FAM193A: variants seen among roughly 807,000 people sequenced by gnomAD.
FAM193A encodes the protein protein FAM193A.
Under a neutral mutation model 126.5 loss-of-function variants are expected in FAM193A, and 22 were observed. That is an observed-to-expected ratio of 0.17 (90% CI 0.12 to 0.25). FAM193A has a LOEUF of 0.25. Ranked by LOEUF, FAM193A falls within the 10% of genes least tolerant of loss-of-function variation. The pLI is 1.00. For synonymous variants in FAM193A, 761 were observed against 646.8 expected (o/e 1.18, Z -2.68); for missense variants, 1,675 against 1,672.8 (o/e 1.00, Z -0.02).
chr4:2,713,335 G>A (rs1426119779), intron 19 of FAM193A, among the ~76,000 whole-genome samples: 1 of 152,070 alleles, frequency 6.6e-6, no homozygotes, highest in African/African-American at 2.4e-5. Context: ...GAACCCAGGA[G>A]GTGGAGGTTG....
chr4:2,693,927 T>A, intron 16 of FAM193A, 53 bp downstream of exon 16: 1 of 1,549,114 alleles, frequency 6.5e-7, no homozygotes, highest in South Asian at 1.2e-5. Flanking sequence ...ATGGGTGTTA[T>A]GCCTCACTAA....
At chr4:2,673,868 C>T (rs188940328) in intron 13 of FAM193A, among the ~76,000 whole-genome samples, 3 of 152,212 alleles carry the variant, frequency 2.0e-5, no homozygotes, top group Non-Finnish European at 2.9e-5. Flanking sequence ...ATTATTTTCC[C>T]GGGCTTTTGG....
chr4:2,607,065 C>T (rs1741590279), intron 2 of FAM193A, among the ~76,000 whole-genome samples: 1 of 152,238 alleles, frequency 6.6e-6, no homozygotes, highest in Non-Finnish European at 1.5e-5. Flanking sequence ...GGCCATTCAT[C>T]TCACAATGCA....
intron 1 of FAM193A, among the ~76,000 whole-genome samples, chr4:2,587,376 A>G (rs1740292086): frequency 6.6e-6 from 1 of 152,214 alleles, no homozygotes; most frequent in African/African-American, 2.4e-5. Context: ...ACCTGCCCTC[A>G]TGACCCATGC....
At chr4:2,690,074 AG>A (rs1716191894) in intron 14 of FAM193A, among the ~76,000 whole-genome samples, 1 of 152,214 alleles carries the variant, frequency 6.6e-6, no homozygotes. Flanking sequence ...AGGGGCAGGA[AG>A]AAAGTGCCAC....
intron 20 of FAM193A, among the ~76,000 whole-genome samples, chr4:2,722,388 G>A (rs1720261276): frequency 6.6e-6 from 1 of 152,236 alleles, no homozygotes; most frequent in African/African-American, 2.4e-5. Context: ...ACCTGTGGAA[G>A]CTGTGCAGTG....
intron 1 of FAM193A, among the ~76,000 whole-genome samples, chr4:2,558,002 A>G (rs1049814450): frequency 2.0e-5 from 3 of 151,046 alleles, no homozygotes; most frequent in African/African-American, 4.9e-5. Flanking sequence ...GCTGGGCGCT[A>G]TGGCTCATGC....
intron 5 of FAM193A, 130 bp from the exon 6 acceptor site, chr4:2,639,605 C>T (rs1164899031): frequency 1.2e-5 from 7 of 598,474 alleles, no homozygotes; most frequent in Non-Finnish European, 1.6e-5. Flanking sequence ...GCTGAACACT[C>T]TGGGCCTGTG....
chr4:2,648,897 C>G (rs574134418), intron 7 of FAM193A, among the ~76,000 whole-genome samples: 12 of 152,296 alleles, frequency 7.9e-5, no homozygotes, highest in African/African-American at 2.9e-4. Flanking sequence ...GTCACCACTC[C>G]CTGGGATGTT....
chr4:2,612,253 G>A (rs1387427981), intron 2 of FAM193A, among the ~76,000 whole-genome samples: 1 of 151,914 alleles, frequency 6.6e-6, no homozygotes, highest in East Asian at 2.0e-4. Flanking sequence ...TGTAATCCTA[G>A]CACTTTGGGA....
intron 19 of FAM193A, among the ~76,000 whole-genome samples, chr4:2,703,015 A>T (rs1196596709): frequency 6.6e-6 from 1 of 151,366 alleles, no homozygotes; most frequent in Non-Finnish European, 1.5e-5. Context: ...GTAACTAATC[A>T]GTTTCTTATT....
intron 4 of FAM193A, 81 bp from the exon 5 acceptor site, chr4:2,630,851 AGGG>A: frequency 1.7e-5 from 13 of 744,514 alleles, no homozygotes; most frequent in Admixed American, 4.7e-5. Flanking sequence ...CACCTGTGGA[AGGG>A]CTTCAGAAAA....
At chr4:2,663,358 A>G in intron 12 of FAM193A, 70 bp downstream of exon 12, 1 of 1,216,888 alleles carries the variant, frequency 8.2e-7, no homozygotes, top group Non-Finnish European at 1.1e-6. Flanking sequence ...CATGAGCATT[A>G]CTGAATACAA....
intron 1 of FAM193A, among the ~76,000 whole-genome samples, chr4:2,573,492 G>T (rs1292555147): frequency 6.7e-6 from 1 of 148,704 alleles, no homozygotes; most frequent in Non-Finnish European, 1.5e-5. Flanking sequence ...CAGCCTCAGC[G>T]ACAGAGTGAA....
intron 13 of FAM193A, among the ~76,000 whole-genome samples, chr4:2,683,431 A>C (rs927205724): frequency 6.6e-5 from 10 of 152,076 alleles, no homozygotes; most frequent in African/African-American, 2.2e-4. Context: ...GGTAGCTGGG[A>C]TTACAGGCTC....
intron 1 of FAM193A, among the ~76,000 whole-genome samples, chr4:2,553,372 C>T (rs1738059096): frequency 7.1e-6 from 1 of 140,066 alleles, no homozygotes; most frequent in Non-Finnish European, 1.5e-5. Flanking sequence ...TTCTAATTTC[C>T]CTTCTTTTTG....
In FAM193A at chr4:2,690,764, A is replaced by G. The variant is rs1421294788; in HGVS notation, c.2597A>G (p.Asn866Ser). The change falls in exon 15 of 21, where the codon AAT becomes AGT. Residue 866 changes from asparagine to serine, a missense_variant. Transcript: ENST00000637812. ...GAAGCCCTTCCACCTCCATCTAGCA[A>G]TGAAACACCTGCAGTCTCGGATAGT... is the stretch of plus-strand genomic sequence containing the variant. ...RPEALPPPSS[N>S]ETPAVSDSKE... 17 of 1,613,998 alleles carry G rather than the reference A, an allele frequency of 1.1e-5. No individual in the cohort carries two copies. The highest frequency in any genetic ancestry group is 8.0e-5 in the African/African-American group (6 of 74,928).
At chr4:2,631,432 G>C (rs1305844270) in intron 5 of FAM193A, among the ~76,000 whole-genome samples, 1 of 152,158 alleles carries the variant, frequency 6.6e-6, no homozygotes, top group Non-Finnish European at 1.5e-5. Context: ...TGAGGCCCAG[G>C]GAACGAGGCA....
At chr4:2,643,014 C>G (rs1248479879) in intron 6 of FAM193A, among the ~76,000 whole-genome samples, 2 of 152,104 alleles carry the variant, frequency 1.3e-5, no homozygotes, top group Non-Finnish European at 2.9e-5. Context: ...CAGACTCCAA[C>G]CATGAGCCAC....
Sources: allele counts gnomAD v4.1 joint callset (sites outside exome capture counted in the v4.1 genomes callset), GRCh38; gene constraint gnomAD v4.1.1; transcripts MANE v1.5; gene names NCBI Gene and HGNC (gene_info 2026-07-23, HGNC 2026-07-21).